Variants in RAI14 observed in about 807,000 individuals in gnomAD.
The protein encoded by RAI14 is retinoic acid induced 14.
Under a neutral mutation model 115.4 loss-of-function variants are expected in RAI14, and 45 were observed. The observed-to-expected ratio is 0.39, with a 90% CI of 0.31 to 0.50. RAI14 has a LOEUF of 0.50. Among genes scored for constraint, RAI14 ranks in the 20% least tolerant of loss-of-function variants. RAI14 has a pLI of 0.85. For missense variants in RAI14, 939 were observed against 1,131.2 expected, an observed-to-expected ratio of 0.83 and a Z score of 2.44; for synonymous variants, 371 against 415.4, an observed-to-expected ratio of 0.89 and a Z score of 1.30.
intron 2 of RAI14, among the ~76,000 whole-genome samples, chr5:34,753,853 G>T (rs1239597064): frequency 6.6e-6 from 1 of 150,836 alleles, no homozygotes; most frequent in Non-Finnish European, 1.5e-5. Context: ...AGCGGAGGTT[G>T]CAGTGAGCTG....
At chr5:34,714,676 C>T (rs1050232848) in intron 2 of RAI14, among the ~76,000 whole-genome samples, 1 of 152,176 alleles carries the variant, frequency 6.6e-6, no homozygotes, top group Non-Finnish European at 1.5e-5. Flanking sequence ...GAATATTTAA[C>T]ATGAAGCATA....
intron 2 of RAI14, among the ~76,000 whole-genome samples, chr5:34,718,888 G>A (rs1471172018): frequency 6.6e-6 from 1 of 152,138 alleles, no homozygotes; most frequent in African/African-American, 2.4e-5. Context: ...CCCACTTCTT[G>A]CCTACTCTCC....
At chr5:34,802,553 C>G (rs1754400135) in intron 4 of RAI14, among the ~76,000 whole-genome samples, 1 of 152,178 alleles carries the variant, frequency 6.6e-6, no homozygotes, top group South Asian at 2.1e-4. Context: ...AGCATACCCT[C>G]TAATTCAGAT....
intron 3 of RAI14, among the ~76,000 whole-genome samples, chr5:34,758,746 A>G (rs1187655348): frequency 6.6e-6 from 1 of 152,218 alleles, no homozygotes; most frequent in Non-Finnish European, 1.5e-5. Context: ...ATTGAAACAC[A>G]GCCATACCCA....
At chr5:34,797,052 G>A (rs1316042183) in intron 4 of RAI14, among the ~76,000 whole-genome samples, 2 of 152,036 alleles carry the variant, frequency 1.3e-5, no homozygotes, top group Non-Finnish European at 1.5e-5. Flanking sequence ...CTATAAGAAG[G>A]AGCCCCTGGG....
At chr5:34,719,027 C>T (rs1742326315) in intron 2 of RAI14, among the ~76,000 whole-genome samples, 1 of 152,204 alleles carries the variant, frequency 6.6e-6, no homozygotes, top group Non-Finnish European at 1.5e-5. Flanking sequence ...TGACAAATGA[C>T]TACTACTTTT....
At chr5:34,817,876 C>G (rs113508349) in intron 12 of RAI14, among the ~76,000 whole-genome samples, 2 of 152,108 alleles carry the variant, frequency 1.3e-5, no homozygotes, top group Non-Finnish European at 2.9e-5. Context: ...TGAACAGATT[C>G]TCTATCTTGA....
chr5:34,686,856 T>C lies in RAI14; in HGVS notation c.-48-16T>C, dbSNP rs1744944684. The C allele has an allele frequency of 1.3e-6, 2 of 1,544,402 alleles. No individual in the cohort carries two copies. The highest frequency in any genetic ancestry group is 1.1e-5 in the South Asian group (1 of 88,120). On this transcript the variant is annotated splice_polypyrimidine_tract_variant and intron_variant, in intron 1 of 17. Coordinates refer to ENST00000265109, the MANE Select transcript of RAI14 (RefSeq NM_015577.3). ...TTATTTGGAAACCTACATATGTCCT[T>C]TTTTTCTCTGCTTAGGTGTTGAAAA... is the stretch of plus-strand genomic sequence containing the variant.
chr5:34,700,426 G>A (rs991385727), intron 2 of RAI14, among the ~76,000 whole-genome samples: 1 of 152,196 alleles, frequency 6.6e-6, no homozygotes, highest in Admixed American at 6.5e-5. Context: ...AGTGGCTTTA[G>A]GTGGCAAGTG....
At chr5:34,742,743 A>G (rs1745679405) in intron 2 of RAI14, among the ~76,000 whole-genome samples, 1 of 151,976 alleles carries the variant, frequency 6.6e-6, no homozygotes, top group Non-Finnish European at 1.5e-5. Context: ...GGCTCACTGC[A>G]ACCTCTGCCG....
At chr5:34,770,956 T>A (rs1233057480) in intron 3 of RAI14, among the ~76,000 whole-genome samples, 1 of 152,144 alleles carries the variant, frequency 6.6e-6, no homozygotes, top group Non-Finnish European at 1.5e-5. Flanking sequence ...GATACAAGGC[T>A]CCTGTTGCAG....
At chr5:34,663,705 G>T (rs763931439) in intron 1 of RAI14, among the ~76,000 whole-genome samples, 1 of 152,168 alleles carries the variant, frequency 6.6e-6, no homozygotes, top group East Asian at 1.9e-4. Flanking sequence ...CTGCCTCAGA[G>T]GTCATTAAGC....
rs564490750 is a variant in RAI14, at chr5:34,666,028, C to T, written c.-49+9553C>T. On this transcript the variant is annotated intron_variant, in intron 1 of 17. Transcript: ENST00000265109. ...ATGAAAAGGTGGTTTTGTAATATGA[C>T]TATTTCACAGAGACCTGATGAATTC... is the stretch of plus-strand genomic sequence containing the variant. Among the ~76,000 whole-genome samples, 259 of 152,258 alleles carry T rather than the reference C, an allele frequency of 1.7e-3. 1 individual carries two copies. The highest frequency in any genetic ancestry group is 5.9e-3 in the African/African-American group (245 of 41,540).
Position 34,665,107 on chromosome 5 carries a change from A to G in RAI14, c.-49+8632A>G, listed in dbSNP as rs1278492029. ...TATATATATGTGTATATATATGTGT[A>G]TATATATGTGTATATATGTATGTGT... On this transcript the variant is annotated intron_variant, in intron 1 of 17. Transcript: ENST00000265109. Among the ~76,000 whole-genome samples the G allele has an allele frequency of 1.2e-4, 3 of 24,376 alleles. 1 individual carries two copies. Among genetic ancestry groups the G allele is most frequent in the African/African-American group, 3.9e-4 (3 of 7,776 alleles). 16.0% of individuals were successfully genotyped at this position (24,376 alleles called of 152,430 possible). A position where few individuals can be genotyped will look rare whatever the true frequency, so the allele number is the denominator to read the frequency against.
At position 34,793,017 on chromosome 5, in the gene RAI14, T is replaced by A. The variant is rs573810249; in HGVS notation, c.168-2922T>A. On this transcript the variant is annotated intron_variant, in intron 3 of 17. Transcript: ENST00000265109. Reference sequence around the variant, plus strand: ...GAGAGGGAGGACAAAATAAAATCTCTCGCTATCACACGATTTATTAAAGCG... The same window carrying A: ...GAGAGGGAGGACAAAATAAAATCTCACGCTATCACACGATTTATTAAAGCG... 6.6e-5 allele frequency among the ~76,000 whole-genome samples: 10 copies of A among 152,332 alleles called. 1 individual carries two copies. In the South Asian group the frequency reaches 2.1e-3, roughly 32 times the overall value.
chr5:34,665,045 G>A (rs1199014814), intron 1 of RAI14, among the ~76,000 whole-genome samples: 5 of 14,632 alleles, frequency 3.4e-4, no homozygotes, highest in Admixed American at 9.6e-4. Context: ...ATATATATGT[G>A]TATATATATG....
At chr5:34,800,274 A>G (rs1231638353) in intron 4 of RAI14, among the ~76,000 whole-genome samples, 1 of 152,230 alleles carries the variant, frequency 6.6e-6, no homozygotes, top group East Asian at 1.9e-4. Context: ...ATAGCCTTTA[A>G]GTAAAAGGGT....
intron 4 of RAI14, among the ~76,000 whole-genome samples, chr5:34,802,341 C>T (rs1029643886): frequency 4.6e-5 from 7 of 152,288 alleles, no homozygotes; most frequent in Admixed American, 1.3e-4. Context: ...TAAGCAGGGT[C>T]GGGCCTGGTT....
chr5:34,762,578 A>G (rs1441969346), intron 3 of RAI14, among the ~76,000 whole-genome samples: 1 of 152,186 alleles, frequency 6.6e-6, no homozygotes, highest in Non-Finnish European at 1.5e-5. Flanking sequence ...TTCATTTAGG[A>G]AAAGAATAAA....
Sources: allele counts gnomAD v4.1 joint callset (sites outside exome capture counted in the v4.1 genomes callset), GRCh38; gene constraint gnomAD v4.1.1; transcripts MANE v1.5; gene names NCBI Gene and HGNC (gene_info 2026-07-23, HGNC 2026-07-21).